The following BRPF3 variants were observed in gnomAD, a reference collection of about 807,000 sequenced individuals.
BRPF3 encodes bromodomain and PHD finger containing 3, also known as bromodomain and PHD finger-containing protein 3.
Under a neutral mutation model 102.0 loss-of-function variants are expected in BRPF3, and 18 were observed. The ratio of observed to expected loss-of-function variants is 0.18; its 90% confidence interval spans 0.12 to 0.26. The LOEUF (loss-of-function observed/expected upper bound fraction) is 0.26, where lower values mean the gene tolerates loss of function less well. Ranked by LOEUF, BRPF3 falls within the 10% of genes least tolerant of loss-of-function variation. The pLI is 1.00. For synonymous variants in BRPF3, 570 were observed against 614.2 expected, an observed-to-expected ratio of 0.93 and a Z score of 1.06; for missense variants, 1,147 against 1,567.8, an observed-to-expected ratio of 0.73 and a Z score of 4.53.
At chr6:36,212,931 G>A (rs1768183959) in intron 7 of BRPF3, among the ~76,000 whole-genome samples, 1 of 152,048 alleles carries the variant, frequency 6.6e-6, no homozygotes, top group South Asian at 2.1e-4. Context: ...CCGCAGTCCG[G>A]CCTGGGCGAC....
At position 36,231,572 on chromosome 6, in the gene BRPF3, T is replaced by G. The variant is rs1416232251; in HGVS notation, c.*963T>G. The G allele has an allele frequency of 1.3e-5, 2 of 152,454 alleles. No individual in the cohort carries two copies. Among genetic ancestry groups the G allele is most frequent in the African/African-American group, 4.8e-5 (2 of 41,372 alleles). The allele number at this position is 152,454 out of a possible 1,614,324, so 9.4% of individuals were successfully genotyped here. A position where few individuals can be genotyped will look rare whatever the true frequency, so the allele number is the denominator to read the frequency against. On this transcript the variant is annotated 3_prime_UTR_variant, in exon 13 of 13. Transcript: ENST00000357641. ...TGCCCTCTTCCCCCTTTTCTCCTTCTTCTCTCCTCATGGACTTTTTCTGCA... is the reference window on the plus strand; with the variant it reads ...TGCCCTCTTCCCCCTTTTCTCCTTCGTCTCTCCTCATGGACTTTTTCTGCA...
chr6:36,229,094 C>A (rs767489746), intron 12 of BRPF3, 38 bp downstream of exon 12: 6 of 1,602,644 alleles, frequency 3.7e-6, no homozygotes, highest in Non-Finnish European at 5.1e-6. Flanking sequence ...GAGGGGCACG[C>A]CAGGGGTCTG....
In BRPF3 at chr6:36,200,738, G is replaced by A. The variant is rs776679097; in HGVS notation, c.416G>A (p.Arg139His). 10 of 1,614,034 alleles carry A rather than the reference G, an allele frequency of 6.2e-6. No individual in the cohort carries two copies. The Admixed American group carries it at 1.3e-4, about 22-fold the overall frequency. The change falls in exon 2 of 13, where the codon CGC becomes CAC. Residue 139 changes from arginine to histidine, a missense_variant. Arg to His is a conservative substitution (Grantham distance 29). Transcript: ENST00000357641. This position sits in a 1 kb window ranked among gnomAD's most constrained non-coding sequence, Gnocchi z 5.3. ...CCCCCGCTGCCTGCTGCCTACTACC[G>A]CTACATTGAGAAGCCACCTGAAGAC... Reference protein sequence around the residue: ...EAPPLPAAYYRYIEKPPEDLD... With the variant: ...EAPPLPAAYYHYIEKPPEDLD...
chr6:36,197,305 G>C (rs1767533191), intron 1 of BRPF3: 1 of 152,196 alleles, frequency 6.6e-6, no homozygotes, highest in African/African-American at 2.4e-5. Context: ...AGGTCCCCTG[G>C]GTCCCTCTGA....
chr6:36,222,325 C>T, intron 10 of BRPF3, 60 bp downstream of exon 10: 1 of 1,467,272 alleles, frequency 6.8e-7, no homozygotes, highest in Admixed American at 2.0e-5. Context: ...GCCAGCTCTT[C>T]AGGCTGCTGC....
At chr6:36,222,597 T>G (rs959343177) in intron 10 of BRPF3, among the ~76,000 whole-genome samples, 2 of 152,308 alleles carry the variant, frequency 1.3e-5, no homozygotes, top group Non-Finnish European at 1.5e-5. Context: ...GTAATCCATA[T>G]GTATACAAGC....
chr6:36,211,676 G>A (rs2127285855), intron 7 of BRPF3, 116 bp downstream of exon 7: 1 of 1,271,642 alleles, frequency 7.9e-7, no homozygotes, highest in Non-Finnish European at 1.1e-6. Flanking sequence ...TTGTGGGCAA[G>A]CAAAAGTGCT....
intron 3 of BRPF3, among the ~76,000 whole-genome samples, chr6:36,206,662 A>G (rs1181547127): frequency 6.6e-6 from 1 of 152,042 alleles, no homozygotes; most frequent in Non-Finnish European, 1.5e-5. Flanking sequence ...TTGCCCATCC[A>G]TGTCTGTCAC....
chr6:36,229,120 G>A, intron 12 of BRPF3, 64 bp downstream of exon 12: 1 of 1,571,848 alleles, frequency 6.4e-7, no homozygotes, highest in South Asian at 1.1e-5. Flanking sequence ...GTGGTGCTGT[G>A]CTAGTGAGGT....
chr6:36,210,114 C>T lies in BRPF3; in HGVS notation c.1867-102C>T, dbSNP rs1225417403. On this transcript the variant is annotated intron_variant, in intron 5 of 12. Coordinates refer to ENST00000357641, the MANE Select transcript of BRPF3 (RefSeq NM_015695.3). This position sits in a 1 kb window ranked among gnomAD's most constrained non-coding sequence, Gnocchi z 4.7. ...ACTGTAGGTCTTTGAGTTAGCCTGGCATGGCCAAATCAGAAATTGAGGAGG... is the reference window on the plus strand; with the variant it reads ...ACTGTAGGTCTTTGAGTTAGCCTGGTATGGCCAAATCAGAAATTGAGGAGG... 8 of 1,483,538 alleles carry T rather than the reference C, an allele frequency of 5.4e-6. No homozygotes were observed. Among genetic ancestry groups the T allele is most frequent in the East Asian group, 2.3e-5 (1 of 43,098 alleles). 91.9% of individuals were successfully genotyped at this position (1,483,538 alleles called of 1,614,324 possible). A position where few individuals can be genotyped will look rare whatever the true frequency, so the allele number is the denominator to read the frequency against.
At position 36,211,569 on chromosome 6, in the gene BRPF3, T is replaced by G. The variant is rs768284608; in HGVS notation, c.2482+9T>G. On this transcript the variant is annotated intron_variant, in intron 7 of 12. Coordinates refer to ENST00000357641, the MANE Select transcript of BRPF3 (RefSeq NM_015695.3). ...AGACGATGGGGACAGAGGTGAGAGA[T>G]AGTCACAGGCAGGCAGGGGGTTGGA... is the stretch of plus-strand genomic sequence containing the variant. 2.6e-6 allele frequency: 4 copies of G among 1,549,392 alleles called. No individual in the cohort carries two copies. Among genetic ancestry groups the G allele is most frequent in the Middle Eastern group, 3.3e-4 (2 of 5,972 alleles).
intron 7 of BRPF3, among the ~76,000 whole-genome samples, chr6:36,213,080 TA>T (rs770123412): frequency 1.0e-3 from 154 of 152,378 alleles, no homozygotes; most frequent in Non-Finnish European, 1.8e-3. Flanking sequence ...TACTTGTTCT[TA>T]CTTGGGTGAT....
In BRPF3 at chr6:36,200,433, C is replaced by A. The variant is rs533389243; in HGVS notation, c.111C>A (p.Ala37=). 10 of 1,614,222 alleles carry A rather than the reference C, an allele frequency of 6.2e-6. No homozygotes were observed. Among genetic ancestry groups the A allele is most frequent in the Admixed American group, 1.7e-5 (1 of 60,026 alleles). ...GGGAGACCCTGACATATGCCCAGGC[C>A]CAGCGGATTGTCGAGGTAGACATTG... ...PTRETLTYAQ[A]QRIVEVDIDG... Residue 37 remains alanine (A), a synonymous_variant, in exon 2 of 13, where the codon GCC becomes GCA. Coordinates refer to ENST00000357641, the MANE Select transcript of BRPF3 (RefSeq NM_015695.3). This position sits in a 1 kb window ranked among gnomAD's most constrained non-coding sequence, Gnocchi z 5.3.
At chr6:36,207,572 T>G in intron 4 of BRPF3, 128 bp downstream of exon 4, 5 of 1,281,988 alleles carry the variant, frequency 3.9e-6, no homozygotes, top group Non-Finnish European at 5.3e-6. Flanking sequence ...TACCCAGGAT[T>G]GTAGGCTCCA....
At chr6:36,223,034 G>T (rs1254540616) in intron 10 of BRPF3, among the ~76,000 whole-genome samples, 1 of 152,044 alleles carries the variant, frequency 6.6e-6, no homozygotes, top group Non-Finnish European at 1.5e-5. Flanking sequence ...TTGTCTCCTT[G>T]GATAAAAGGA....
At chr6:36,216,006 C>T (rs966447381) in intron 8 of BRPF3, among the ~76,000 whole-genome samples, 6 of 152,140 alleles carry the variant, frequency 3.9e-5, no homozygotes, top group African/African-American at 7.2e-5. Context: ...CTTCCCATCT[C>T]GTCTGGCCAA....
chr6:36,225,257 C>A lies in BRPF3; in HGVS notation c.3182-10C>A, dbSNP rs755166082. On this transcript the variant is annotated splice_polypyrimidine_tract_variant and intron_variant, in intron 10 of 12. Coordinates refer to ENST00000357641, the MANE Select transcript of BRPF3 (RefSeq NM_015695.3). ...TTTGGGTGCTGTCTCCTCCCCTCCC[C>A]CACCCCCAGGCAGAAGCCTCCTGCT... 1 of 1,604,582 alleles carries A rather than the reference C, an allele frequency of 6.2e-7. No homozygotes were observed. The highest frequency in any genetic ancestry group is 1.1e-5 in the South Asian group (1 of 91,038).
chr6:36,221,237 A>G lies in BRPF3; in HGVS notation c.3084-931A>G, dbSNP rs1050935164. ...TCACTTTTTAGTCTTTGTGTAATAT[A>G]CATTTTGCCTCTTTGCAATAGTCAT... On this transcript the variant is annotated intron_variant, in intron 9 of 12. Coordinates refer to ENST00000357641, the MANE Select transcript of BRPF3 (RefSeq NM_015695.3). Among the ~76,000 whole-genome samples, 6 of 149,002 alleles carry G rather than the reference A, an allele frequency of 4.0e-5. No individual in the cohort carries two copies. The East Asian group carries it at 1.2e-3, about 29-fold the overall frequency.
chr6:36,215,582 G>A lies in BRPF3; in HGVS notation c.2989+1196G>A, dbSNP rs187623615. Among the ~76,000 whole-genome samples, 290 of 152,364 alleles carry A rather than the reference G, an allele frequency of 1.9e-3. 1 individual carries two copies. The highest frequency in any genetic ancestry group is 6.5e-3 in the Admixed American group (100 of 15,310). Reference sequence around the variant, plus strand: ...TGGACAGTATGTTGTTATTTGTCAGGTGAGAGGTAGCATTGCTAGAGGTGT... The same window carrying A: ...TGGACAGTATGTTGTTATTTGTCAGATGAGAGGTAGCATTGCTAGAGGTGT... On this transcript the variant is annotated intron_variant, in intron 8 of 12. Coordinates refer to ENST00000357641, the MANE Select transcript of BRPF3 (RefSeq NM_015695.3).
Sources: gnomAD v4.1 joint callset for allele counts (sites outside exome capture counted in the v4.1 genomes callset) on GRCh38, gnomAD v4.1.1 for gene constraint, Gnocchi (gnomAD v3.1) non-coding constraint, MANE v1.5 for transcripts, NCBI Gene and HGNC (gene_info 2026-07-23, HGNC 2026-07-21) for gene names.